FGF14: variants seen among roughly 807,000 people sequenced by gnomAD.
FGF14 encodes the protein fibroblast growth factor homologous factor 4.
A neutral mutation model predicts 25.5 loss-of-function variants in FGF14; 5 were observed. The observed-to-expected ratio is 0.20, with a 90% CI of 0.10 to 0.41. The LOEUF (loss-of-function observed/expected upper bound fraction) is 0.41, where lower values mean the gene tolerates loss of function less well. FGF14 is among the 10% of genes least tolerant of loss of function. The pLI, the probability that FGF14 is intolerant of heterozygous loss-of-function variation, is 1.00. For synonymous variants in FGF14, 138 were observed against 118.3 expected, an observed-to-expected ratio of 1.17 and a Z score of -1.08; for missense variants, 222 against 320.1, an observed-to-expected ratio of 0.69 and a Z score of 2.34.
At position 102,090,307 on chromosome 13, in the gene FGF14, A is replaced by T. The variant is rs148344254; in HGVS notation, c.209-215011T>A. Among the ~76,000 whole-genome samples, 19 of 152,302 alleles carry T rather than the reference A, an allele frequency of 1.2e-4. 1 individual carries two copies. The East Asian group carries it at 3.5e-3, about 28-fold the overall frequency. ...ACTACTTGCAAAAATAATCTCCTAA[A>T]ATTAATGACTTTGTCTCCTGTGCTA... On this transcript the variant is annotated intron_variant, in intron 1 of 4. Transcript: ENST00000376131.
chr13:101,951,943 A>G (rs148431126), intron 1 of FGF14, among the ~76,000 whole-genome samples: 2 of 152,308 alleles, frequency 1.3e-5, no homozygotes, highest in Non-Finnish European at 2.9e-5. Flanking sequence ...TGGCCAATAT[A>G]TCAACTCTAG....
intron 1 of FGF14, among the ~76,000 whole-genome samples, chr13:102,188,371 A>C (rs1278516101): frequency 6.6e-6 from 1 of 152,226 alleles, no homozygotes; most frequent in Non-Finnish European, 1.5e-5. Flanking sequence ...AAGAACAAAA[A>C]TATGAACAAG....
intron 3 of FGF14, among the ~76,000 whole-genome samples, chr13:101,867,793 C>T (rs958695793): frequency 2.0e-5 from 3 of 151,890 alleles, no homozygotes; most frequent in Admixed American, 6.6e-5. Flanking sequence ...GAATCCACAG[C>T]GCAGACTTCA....
intron 1 of FGF14, among the ~76,000 whole-genome samples, chr13:102,168,734 A>G (rs1206621558): frequency 1.3e-5 from 2 of 152,146 alleles, no homozygotes; most frequent in African/African-American, 4.8e-5. Context: ...TTGCTGGGGA[A>G]ATCTGACATA....
chr13:101,917,473 C>A (rs1420272299), upstream of FGF14, among the ~76,000 whole-genome samples: 1 of 152,132 alleles, frequency 6.6e-6, no homozygotes, highest in Non-Finnish European at 1.5e-5. Context: ...GGCGCTTTTT[C>A]TTAGATGCAA....
chr13:102,054,736 A>T (rs538610390), intron 1 of FGF14, among the ~76,000 whole-genome samples: 1 of 152,282 alleles, frequency 6.6e-6, no homozygotes, highest in East Asian at 1.9e-4. Context: ...AACACAAGTC[A>T]TTATGTTTCT....
intron 1 of FGF14, among the ~76,000 whole-genome samples, chr13:101,981,876 A>G (rs1036441705): frequency 2.0e-5 from 3 of 152,218 alleles, no homozygotes; most frequent in African/African-American, 4.8e-5. Context: ...GATGAACAGC[A>G]AGAGAGAAGC....
intron 3 of FGF14, among the ~76,000 whole-genome samples, chr13:101,788,895 TATATATATATATATAGAGAGAGAGAG>T (rs1377021861): frequency 1.0e-4 from 5 of 48,998 alleles, no homozygotes; most frequent in African/African-American, 3.0e-4. Flanking sequence ...TATATATATA[TATATATATATATATAGAGAGAGAGAG>T]AGAGAGAGAG....
At chr13:102,298,181 T>C (rs190253125) in intron 1 of FGF14, among the ~76,000 whole-genome samples, 131 of 152,234 alleles carry the variant, frequency 8.6e-4, no homozygotes, top group African/African-American at 3.1e-3. Flanking sequence ...AAAAAACTCA[T>C]GAAAATCAAG....
chr13:102,162,878 C>T (rs1464984836), intron 1 of FGF14, among the ~76,000 whole-genome samples: 2 of 152,062 alleles, frequency 1.3e-5, no homozygotes, highest in Non-Finnish European at 2.9e-5. Context: ...GTAGCTCTTT[C>T]TCTGGTCACT....
chr13:102,270,488 GT>G, intron 1 of FGF14, among the ~76,000 whole-genome samples: 1 of 152,142 alleles, frequency 6.6e-6, no homozygotes, highest in South Asian at 2.1e-4. Flanking sequence ...ACTTAGGTTT[GT>G]TTTCTTAGGA....
At chr13:101,960,142 T>C (rs760421596) in intron 1 of FGF14, among the ~76,000 whole-genome samples, 1 of 152,182 alleles carries the variant, frequency 6.6e-6, no homozygotes, top group Non-Finnish European at 1.5e-5. Flanking sequence ...TTACTAAAAG[T>C]GGTATTAAGC....
intron 3 of FGF14, among the ~76,000 whole-genome samples, chr13:101,829,117 A>C (rs1227079828): frequency 2.6e-5 from 4 of 152,150 alleles, no homozygotes; most frequent in Admixed American, 2.6e-4. Flanking sequence ...TCCAGGAATA[A>C]AGAAAAAGCA....
intron 3 of FGF14, among the ~76,000 whole-genome samples, chr13:101,761,847 C>A (rs555437016): frequency 6.6e-6 from 1 of 152,280 alleles, no homozygotes; most frequent in Non-Finnish European, 1.5e-5. Flanking sequence ...TGCCATTATT[C>A]AGTTCATAAT....
At chr13:102,347,986 C>A (rs1207684785) in intron 1 of FGF14, among the ~76,000 whole-genome samples, 20 of 150,538 alleles carry the variant, frequency 1.3e-4, no homozygotes, top group Admixed American at 1.3e-3. Flanking sequence ...GCATACGACC[C>A]TAAGTAAGAT....
At chr13:101,909,285 A>G (rs2139057045) in intron 1 of FGF14, among the ~76,000 whole-genome samples, 2 of 152,318 alleles carry the variant, frequency 1.3e-5, no homozygotes, top group African/African-American at 4.8e-5. Context: ...AAAAGAAACC[A>G]CCATCAGAGT....
At chr13:101,898,879 T>C (rs969788684) in intron 1 of FGF14, among the ~76,000 whole-genome samples, 3 of 152,106 alleles carry the variant, frequency 2.0e-5, no homozygotes, top group Non-Finnish European at 4.4e-5. Flanking sequence ...AAGGAAAACA[T>C]ATGGAGATGA....
intron 1 of FGF14, among the ~76,000 whole-genome samples, chr13:101,986,112 T>A (rs538334429): frequency 6.6e-6 from 1 of 152,288 alleles, no homozygotes; most frequent in East Asian, 1.9e-4. Context: ...TTTGTTTTAA[T>A]GTCAAGTTGA....
chr13:101,956,477 G>A (rs1466912897), intron 1 of FGF14, among the ~76,000 whole-genome samples: 1 of 152,160 alleles, frequency 6.6e-6, no homozygotes, highest in Non-Finnish European at 1.5e-5. Context: ...GGCCTGGAAT[G>A]TATCGGGAGA....
Sources: allele counts gnomAD v4.1 joint callset (sites outside exome capture counted in the v4.1 genomes callset), GRCh38; gene constraint gnomAD v4.1.1; transcripts MANE v1.5; gene names NCBI Gene and HGNC (gene_info 2026-07-23, HGNC 2026-07-21).